The following YPEL2 variants were observed in gnomAD, a reference collection of about 807,000 sequenced individuals.
YPEL2 encodes the protein protein yippee-like 2.
In YPEL2, 2 loss-of-function variants were observed where a neutral mutation model predicts 19.1. The ratio of observed to expected loss-of-function variants is 0.10; its 90% CI spans 0.04 to 0.33. The LOEUF (loss-of-function observed/expected upper bound fraction) is 0.33. Ranked by LOEUF, YPEL2 falls within the 10% of genes least tolerant of loss-of-function variation. The probability of loss-of-function intolerance (pLI) is 1.00; values close to 1 mark genes in which losing one functional copy is unlikely to be tolerated. For synonymous variants in YPEL2, 52 were observed against 50.0 expected, an observed-to-expected ratio of 1.04 and a Z score of -0.17; for missense variants, 66 against 140.7, an observed-to-expected ratio of 0.47 and a Z score of 2.68.
chr17:59,381,421 T>C (rs2047948675), intron 2 of YPEL2, among the ~76,000 whole-genome samples: 1 of 152,178 alleles, frequency 6.6e-6, no homozygotes, highest in South Asian at 2.1e-4. Flanking sequence ...TGCTAGACCC[T>C]TCATTTAGGG....
At chr17:59,393,435 G>A (rs1318681990) in intron 4 of YPEL2, among the ~76,000 whole-genome samples, 5 of 148,630 alleles carry the variant, frequency 3.4e-5, no homozygotes, top group East Asian at 3.9e-4. Flanking sequence ...ACGCCTGGCC[G>A]AATTTTTTTT....
At chr17:59,337,435 C>A (rs1187994082) in intron 1 of YPEL2, among the ~76,000 whole-genome samples, 2 of 151,900 alleles carry the variant, frequency 1.3e-5, no homozygotes, top group African/African-American at 4.8e-5. Flanking sequence ...GTGATCCGCC[C>A]GCCTCGGCCT....
chr17:59,349,487 C>T (rs994233968), intron 1 of YPEL2, among the ~76,000 whole-genome samples: 4 of 150,624 alleles, frequency 2.7e-5, no homozygotes, highest in Non-Finnish European at 4.4e-5. Flanking sequence ...GCTGGGACTA[C>T]GGGCGTGCGC....
chr17:59,394,457 C>T (rs1328897595), intron 4 of YPEL2, among the ~76,000 whole-genome samples: 2 of 149,280 alleles, frequency 1.3e-5, no homozygotes, highest in Admixed American at 1.3e-4. Flanking sequence ...GATGGGATGG[C>T]GGCCGGGAAG....
rs757915467 is a variant in YPEL2, at chr17:59,353,928, T to C, written c.117+402T>C. ...TTGTAAGAGGGGTTCCTTAGCAAGA[T>C]GAGAGAGCCACCAGGAAGTTGTGAG... On this transcript the variant is annotated intron_variant, in intron 2 of 4. Transcript: ENST00000312655. The surrounding 1 kb of genome is among the most constrained non-coding windows in gnomAD (Gnocchi z 4.8). 3.4e-6 allele frequency: 1 copy of C among 295,490 alleles called. No individual in the cohort carries two copies. The highest frequency in any genetic ancestry group is 6.6e-6 in the Non-Finnish European group (1 of 152,230). The allele number at this position is 295,490 out of a possible 1,614,324, so 18.3% of individuals were successfully genotyped here.
At chr17:59,394,484 C>T (rs550430980) in intron 4 of YPEL2, among the ~76,000 whole-genome samples, 1 of 150,576 alleles carries the variant, frequency 6.6e-6, no homozygotes, top group Non-Finnish European at 1.5e-5. Flanking sequence ...TCCTCACTTT[C>T]CAGACTGGGC....
At position 59,353,336 on chromosome 17, in the gene YPEL2, G is replaced by A; in HGVS notation, c.-74G>A. 8.9e-7 allele frequency: 1 copy of A among 1,128,348 alleles called. No individual in the cohort carries two copies. The highest frequency in any genetic ancestry group is 1.3e-6 in the Non-Finnish European group (1 of 777,786). The allele number at this position is 1,128,348 out of a possible 1,614,324, so 69.9% of individuals were successfully genotyped here. ...ACGGCCTTTACCTGTGTCTTCCGGT[G>A]TTTCCCGTGCGACCCATCCTGTGGG... On this transcript the variant is annotated 5_prime_UTR_variant, in exon 2 of 5. Transcript: ENST00000312655. This position sits in a 1 kb window ranked among gnomAD's most constrained non-coding sequence, Gnocchi z 4.8.
At chr17:59,332,245 C>T (rs910132646) in intron 1 of YPEL2, among the ~76,000 whole-genome samples, 3 of 152,134 alleles carry the variant, frequency 2.0e-5, no homozygotes, top group African/African-American at 4.8e-5. Flanking sequence ...GCCCTCCGTC[C>T]TCTCGTGACG....
chr17:59,338,769 C>T (rs1164651858), intron 1 of YPEL2, among the ~76,000 whole-genome samples: 2 of 152,172 alleles, frequency 1.3e-5, no homozygotes, highest in African/African-American at 4.8e-5. Context: ...AGATCATAGG[C>T]GTCTCCAGGA....
At chr17:59,338,808 C>T (rs1396483572) in intron 1 of YPEL2, among the ~76,000 whole-genome samples, 1 of 152,200 alleles carries the variant, frequency 6.6e-6, no homozygotes, top group African/African-American at 2.4e-5. Context: ...ATTCTCGAAG[C>T]TGGCTGCCTT....
At chr17:59,380,600 AG>A (rs1454683247) in intron 2 of YPEL2, among the ~76,000 whole-genome samples, 3 of 152,222 alleles carry the variant, frequency 2.0e-5, no homozygotes, top group African/African-American at 7.2e-5. Context: ...ATCAGGTGTG[AG>A]TGAGAGCTAT....
At chr17:59,346,629 T>G (rs1456870975) in intron 1 of YPEL2, among the ~76,000 whole-genome samples, 1 of 152,080 alleles carries the variant, frequency 6.6e-6, no homozygotes, top group Non-Finnish European at 1.5e-5. Flanking sequence ...TCAGTGATGG[T>G]GTTTAGCTTC....
chr17:59,381,609 A>G (rs996635408), intron 2 of YPEL2, among the ~76,000 whole-genome samples: 5 of 152,152 alleles, frequency 3.3e-5, no homozygotes, highest in African/African-American at 1.2e-4. Context: ...AAGGGGCCCA[A>G]AATCCGTGGT....
At chr17:59,344,154 A>G (rs2047744822) in intron 1 of YPEL2, among the ~76,000 whole-genome samples, 1 of 152,170 alleles carries the variant, frequency 6.6e-6, no homozygotes, top group African/African-American at 2.4e-5. Context: ...TCAGCCTCCC[A>G]AAGTGCTGGG....
At chr17:59,383,434 T>TA (rs935462704) in intron 2 of YPEL2, among the ~76,000 whole-genome samples, 55 of 150,268 alleles carry the variant, frequency 3.7e-4, no homozygotes, top group African/African-American at 1.3e-3. Flanking sequence ...CCGTGTCCAC[T>TA]AAAAATACAA....
At chr17:59,369,377 A>G (rs894506425) in intron 2 of YPEL2, among the ~76,000 whole-genome samples, 4 of 152,340 alleles carry the variant, frequency 2.6e-5, no homozygotes, top group African/African-American at 4.8e-5. Flanking sequence ...CACCTGAGAT[A>G]CAAAGGCAGA....
At position 59,360,153 on chromosome 17, in the gene YPEL2, T is replaced by C. The variant is rs924828742; in HGVS notation, c.117+6627T>C. On this transcript the variant is annotated intron_variant, in intron 2 of 4. Coordinates refer to ENST00000312655, the MANE Select transcript of YPEL2 (RefSeq NM_001005404.4). ...GTGCAGTGGCACGATCTTGGCTCAC[T>C]GCAAGCTCCGCTTCCCGGGTTCACG... is the stretch of plus-strand genomic sequence containing the variant. Among the ~76,000 whole-genome samples, 6 of 152,380 alleles carry C rather than the reference T, an allele frequency of 3.9e-5. No individual in the cohort carries two copies. In the East Asian group the frequency reaches 1.2e-3, roughly 29 times the overall value.
At chr17:59,395,916 A>T (rs2048036842) in intron 4 of YPEL2, among the ~76,000 whole-genome samples, 1 of 152,104 alleles carries the variant, frequency 6.6e-6, no homozygotes, top group South Asian at 2.1e-4. Context: ...GTCTCTACTG[A>T]AAATACAAAA....
chr17:59,340,324 G>A (rs1178724822), intron 1 of YPEL2, among the ~76,000 whole-genome samples: 8 of 152,160 alleles, frequency 5.3e-5, no homozygotes, highest in Admixed American at 3.9e-4. Context: ...GGCCAGGCTG[G>A]TCTCGAACTC....
Sources: gnomAD v4.1 joint callset for allele counts (sites outside exome capture counted in the v4.1 genomes callset) on GRCh38, gnomAD v4.1.1 for gene constraint, Gnocchi (gnomAD v3.1) non-coding constraint, MANE v1.5 for transcripts, NCBI Gene and HGNC (gene_info 2026-07-23, HGNC 2026-07-21) for gene names.